DCDC1: variants seen among roughly 807,000 people sequenced by gnomAD.
DCDC1 encodes doublecortin domain-containing protein 1.
In DCDC1, 200 loss-of-function variants were observed where a neutral mutation model predicts 178.3. The ratio of observed to expected loss-of-function variants is 1.12; its 90% CI spans 1.00 to 1.26. The LOEUF (loss-of-function observed/expected upper bound fraction) is 1.26, where lower values mean the gene tolerates loss of function less well. Among genes scored for constraint, DCDC1 ranks in the 50% most tolerant of loss-of-function variants. The probability of loss-of-function intolerance (pLI) is 0.00; values close to 1 mark genes in which losing one functional copy is unlikely to be tolerated. For missense variants in DCDC1, 1,983 were observed against 1,749.2 expected (o/e 1.13, Z -2.38); for synonymous variants, 690 against 604.8 (o/e 1.14, Z -2.07).
intron 7 of DCDC1, among the ~76,000 whole-genome samples, chr11:31,289,454 G>C (rs79125835): frequency 0.026 from 3,970 of 151,858 alleles, 171 homozygotes; most frequent in African/African-American, 0.091. Flanking sequence ...CCAGCTCCTT[G>C]GTAAATGCTC....
intron 9 of DCDC1, among the ~76,000 whole-genome samples, chr11:31,141,768 A>G (rs1963854410): frequency 6.6e-6 from 1 of 152,168 alleles, no homozygotes; most frequent in African/African-American, 2.4e-5. Context: ...AGCTGCAGGT[A>G]TTTTTTTGGA....
At chr11:31,154,367 C>T (rs542759696) in intron 9 of DCDC1, among the ~76,000 whole-genome samples, 2 of 152,314 alleles carry the variant, frequency 1.3e-5, no homozygotes, top group Admixed American at 6.5e-5. Context: ...GGTTTCCCTC[C>T]AGGAAGCCTG....
At chr11:31,188,945 T>C (rs1326593696) in intron 9 of DCDC1, among the ~76,000 whole-genome samples, 2 of 152,086 alleles carry the variant, frequency 1.3e-5, no homozygotes, top group African/African-American at 4.8e-5. Flanking sequence ...TCAGTACCCT[T>C]TTATGAGAGA....
At chr11:31,273,662 C>T (rs896313049) in intron 7 of DCDC1, among the ~76,000 whole-genome samples, 1 of 152,190 alleles carries the variant, frequency 6.6e-6, no homozygotes, top group Non-Finnish European at 1.5e-5. Flanking sequence ...CTAACTGTTA[C>T]TCAGTTCGAA....
chr11:31,218,399 T>C (rs1366832730), intron 9 of DCDC1, among the ~76,000 whole-genome samples: 1 of 152,178 alleles, frequency 6.6e-6, no homozygotes, highest in Non-Finnish European at 1.5e-5. Flanking sequence ...CAAATCCAAC[T>C]TTCTATGTTT....
At chr11:30,918,958 A>T (rs1017335011) in intron 25 of DCDC1, among the ~76,000 whole-genome samples, 2 of 152,146 alleles carry the variant, frequency 1.3e-5, no homozygotes, top group African/African-American at 4.8e-5. Context: ...ATCCTTCTAG[A>T]TTGATGTTCT....
intron 20 of DCDC1, among the ~76,000 whole-genome samples, chr11:31,016,805 C>A (rs936244484): frequency 6.6e-6 from 1 of 152,136 alleles, no homozygotes; most frequent in Non-Finnish European, 1.5e-5. Context: ...GGGGTTCGAC[C>A]TAGGCTTTGT....
intron 9 of DCDC1, among the ~76,000 whole-genome samples, chr11:31,178,774 C>A (rs1968404542): frequency 6.6e-6 from 1 of 152,120 alleles, no homozygotes; most frequent in African/African-American, 2.4e-5. Context: ...CTCACCACAA[C>A]CTCTACCTCC....
chr11:30,943,663 T>C, intron 21 of DCDC1: 1 of 453,536 alleles, frequency 2.2e-6, no homozygotes. Flanking sequence ...TCCTCTAATT[T>C]TTTCCAGTGA....
intron 1 of DCDC1, among the ~76,000 whole-genome samples, chr11:31,367,799 C>T (rs1223399917): frequency 6.6e-6 from 1 of 152,048 alleles, no homozygotes; most frequent in African/African-American, 2.4e-5. Flanking sequence ...AAGTACTGCT[C>T]TATAAAATGA....
chr11:30,968,711 T>TTTTATATATATATATATATATATA (rs760434545), intron 20 of DCDC1, among the ~76,000 whole-genome samples: 4 of 61,046 alleles, frequency 6.6e-5, no homozygotes, highest in African/African-American at 1.6e-4. Context: ...ATATATCAAA[T>TTTTATATATATATATATATATATA]TATATATATA....
rs1431132990 is a variant in DCDC1, at chr11:30,873,311, A to G, written c.*40+5233T>C. 2.7e-5 allele frequency among the ~76,000 whole-genome samples: 4 copies of G among 149,066 alleles called. No homozygotes were observed. In the East Asian group the frequency reaches 7.8e-4, roughly 29 times the overall value. ...TAAACTTTTATATTTGTATATAAAA[A>G]TGTATAAATATATAAAAATGTGTGT... On this transcript the variant is annotated intron_variant, in intron 38 of 38. Coordinates refer to ENST00000684477, the MANE Select transcript of DCDC1 (RefSeq NM_001387274.1).
At position 31,231,374 on chromosome 11, in the gene DCDC1, G is replaced by A. The variant is rs182156511; in HGVS notation, c.1221+10076C>T. 6.5e-4 allele frequency among the ~76,000 whole-genome samples: 99 copies of A among 152,234 alleles called. 1 individual carries two copies. The highest frequency in any genetic ancestry group is 6.3e-3 in the Admixed American group (97 of 15,280). The stretch of plus-strand genomic sequence containing the variant: ...AGTTTATGACACTAATATTTTCAAA[G>A]TGTCCCTTTGTTTGGTGCCTGGAGG... On this transcript the variant is annotated intron_variant, in intron 9 of 38. Coordinates refer to ENST00000684477, the MANE Select transcript of DCDC1 (RefSeq NM_001387274.1).
chr11:30,890,600 C>T (rs1198938493), intron 36 of DCDC1, among the ~76,000 whole-genome samples: 1 of 152,134 alleles, frequency 6.6e-6, no homozygotes, highest in Non-Finnish European at 1.5e-5. Flanking sequence ...TATCATACAA[C>T]TTTTCCTTAT....
intron 10 of DCDC1, among the ~76,000 whole-genome samples, chr11:31,135,983 A>G (rs1171118198): frequency 1.3e-5 from 2 of 152,136 alleles, no homozygotes; most frequent in Non-Finnish European, 2.9e-5. Flanking sequence ...TAAAATATCA[A>G]AAGGCAAAAT....
chr11:31,094,428 A>C (rs1247858830), intron 15 of DCDC1, among the ~76,000 whole-genome samples: 2 of 152,164 alleles, frequency 1.3e-5, no homozygotes, highest in Non-Finnish European at 2.9e-5. Flanking sequence ...TGACCCAAAG[A>C]AACATACAAC....
At chr11:31,214,705 A>T (rs899618189) in intron 9 of DCDC1, among the ~76,000 whole-genome samples, 5 of 152,212 alleles carry the variant, frequency 3.3e-5, no homozygotes, top group African/African-American at 4.8e-5. Context: ...ATTGGTCTTT[A>T]GAAATTACAG....
intron 9 of DCDC1, among the ~76,000 whole-genome samples, chr11:31,178,305 C>A (rs1357714466): frequency 6.6e-6 from 1 of 152,114 alleles, no homozygotes; most frequent in Admixed American, 6.6e-5. Context: ...AAAATCTTGT[C>A]AATAAATGGT....
intron 2 of DCDC1, among the ~76,000 whole-genome samples, chr11:31,333,427 T>A (rs1208703773): frequency 1.3e-5 from 2 of 152,174 alleles, no homozygotes; most frequent in African/African-American, 4.8e-5. Context: ...CATTATGATG[T>A]TAGCTGGTTA....
Sources: allele counts gnomAD v4.1 joint callset (sites outside exome capture counted in the v4.1 genomes callset), GRCh38; gene constraint gnomAD v4.1.1; transcripts MANE v1.5; gene names NCBI Gene and HGNC (gene_info 2026-07-23, HGNC 2026-07-21).